The following PCDH9 variants were observed in gnomAD, a reference collection of about 807,000 sequenced individuals.
The protein encoded by PCDH9 is protocadherin-9.
A neutral mutation model predicts 70.6 loss-of-function variants in PCDH9; 24 were observed. That is an observed-to-expected ratio of 0.34 (90% confidence interval 0.25 to 0.48). PCDH9 has a LOEUF of 0.48. PCDH9 is among the 20% of genes least tolerant of loss of function. The pLI is 0.99. For missense variants in PCDH9, 1,281 were observed against 1,503.6 expected (o/e 0.85, Z 2.45); for synonymous variants, 562 against 558.5 (o/e 1.01, Z -0.09).
chr13:67,101,037 G>A (rs1332188520), intron 2 of PCDH9, among the ~76,000 whole-genome samples: 1 of 152,144 alleles, frequency 6.6e-6, no homozygotes, highest in Non-Finnish European at 1.5e-5. Context: ...AGAAGCACTG[G>A]CTTCAGCAGC....
chr13:66,601,731 G>A lies in PCDH9; in HGVS notation c.3340+29479C>T, dbSNP rs909035001. Among the ~76,000 whole-genome samples the A allele has an allele frequency of 6.9e-5, 10 of 145,902 alleles. 2 individuals carry two copies. The highest frequency in any genetic ancestry group is 1.5e-4 in the Non-Finnish European group (10 of 64,862). ...GACACTTCATTCAGTGATGGCCTGT[G>A]TATAGGATGTGATCTAAAAAGATTA... On this transcript the variant is annotated intron_variant, in intron 4 of 4. Transcript: ENST00000377865.
intron 4 of PCDH9, among the ~76,000 whole-genome samples, chr13:66,518,154 C>A (rs1959828066): frequency 6.6e-6 from 1 of 152,030 alleles, no homozygotes; most frequent in Non-Finnish European, 1.5e-5. Context: ...CAAGAACTTA[C>A]ATGTCATATG....
chr13:66,361,007 T>C (rs1403856677), intron 4 of PCDH9, among the ~76,000 whole-genome samples: 1 of 152,112 alleles, frequency 6.6e-6, no homozygotes, highest in African/African-American at 2.4e-5. Flanking sequence ...GGGTGACTAC[T>C]GTGTTTCCTC....
At chr13:66,859,406 C>A (rs2081445480) in intron 3 of PCDH9, among the ~76,000 whole-genome samples, 1 of 152,176 alleles carries the variant, frequency 6.6e-6, no homozygotes, top group Admixed American at 6.5e-5. Context: ...TTAACTAACA[C>A]TTCAGCTTAC....
chr13:67,138,181 T>C (rs1482950416), intron 2 of PCDH9, among the ~76,000 whole-genome samples: 1 of 152,146 alleles, frequency 6.6e-6, no homozygotes, highest in Non-Finnish European at 1.5e-5. Flanking sequence ...GTACTCTGTC[T>C]CATTGATCCT....
intron 4 of PCDH9, among the ~76,000 whole-genome samples, chr13:66,504,517 A>G (rs1468869425): frequency 6.6e-6 from 1 of 152,116 alleles, no homozygotes; most frequent in Non-Finnish European, 1.5e-5. Flanking sequence ...TGCCCAGTCA[A>G]CCCACAGAAT....
intron 4 of PCDH9, among the ~76,000 whole-genome samples, chr13:66,404,452 T>G (rs535064209): frequency 6.6e-6 from 1 of 152,198 alleles, no homozygotes; most frequent in Non-Finnish European, 1.5e-5. Flanking sequence ...ATCATACAAT[T>G]AAATGTAAAG....
At chr13:66,490,912 G>GCTTTGCCCAGCATA (rs1959023084) in intron 4 of PCDH9, among the ~76,000 whole-genome samples, 1 of 152,092 alleles carries the variant, frequency 6.6e-6, no homozygotes, top group African/African-American at 2.4e-5. Flanking sequence ...CAGCATATCT[G>GCTTTGCCCAGCATA]TCCCTGCTTC....
At chr13:66,678,837 G>T (rs1238544923) in intron 3 of PCDH9, among the ~76,000 whole-genome samples, 1 of 151,702 alleles carries the variant, frequency 6.6e-6, no homozygotes, top group Non-Finnish European at 1.5e-5. Context: ...TTCACACTTA[G>T]TACACTCTTA....
intron 3 of PCDH9, among the ~76,000 whole-genome samples, chr13:66,667,974 A>G (rs1478032440): frequency 6.6e-6 from 1 of 152,222 alleles, no homozygotes; most frequent in Non-Finnish European, 1.5e-5. Flanking sequence ...GTAAATAAAA[A>G]GAATTATGTA....
chr13:66,651,604 T>C (rs982846038), intron 3 of PCDH9, among the ~76,000 whole-genome samples: 2 of 151,992 alleles, frequency 1.3e-5, no homozygotes, highest in Non-Finnish European at 2.9e-5. Context: ...CTAATACCAA[T>C]CTGACTAAAA....
At chr13:66,468,890 T>C (rs1566349405) in intron 4 of PCDH9, among the ~76,000 whole-genome samples, 1 of 152,026 alleles carries the variant, frequency 6.6e-6, no homozygotes, top group Non-Finnish European at 1.5e-5. Context: ...TCCACAAAGA[T>C]ATAGTCAGGC....
At chr13:67,067,741 T>C (rs1555303587) in intron 2 of PCDH9, among the ~76,000 whole-genome samples, 3 of 138,414 alleles carry the variant, frequency 2.2e-5, no homozygotes, top group Non-Finnish European at 4.6e-5. Flanking sequence ...GTAAAGAATT[T>C]GGGGGGTTCA....
chr13:66,675,947 T>C (rs930264732), intron 3 of PCDH9, among the ~76,000 whole-genome samples: 8 of 152,162 alleles, frequency 5.3e-5, no homozygotes, highest in African/African-American at 1.7e-4. Context: ...TTCTGGTCTA[T>C]ATTCGTGCAT....
chr13:67,187,434 G>A (rs1178030816), intron 2 of PCDH9, among the ~76,000 whole-genome samples: 1 of 152,096 alleles, frequency 6.6e-6, no homozygotes, highest in Non-Finnish European at 1.5e-5. Context: ...TAGCTAGTGG[G>A]TTTCCTTAGA....
chr13:66,805,717 T>A (rs192208536), intron 3 of PCDH9, among the ~76,000 whole-genome samples: 7 of 152,332 alleles, frequency 4.6e-5, no homozygotes, highest in African/African-American at 1.4e-4. Flanking sequence ...AATTCCGTCC[T>A]ATGTCCTCAT....
At chr13:66,740,067 CA>C (rs2079232776) in intron 3 of PCDH9, among the ~76,000 whole-genome samples, 1 of 149,916 alleles carries the variant, frequency 6.7e-6, no homozygotes. Context: ...ACACCTATTC[CA>C]AAATTGACCA....
intron 3 of PCDH9, among the ~76,000 whole-genome samples, chr13:66,756,207 A>T (rs1241670469): frequency 1.3e-5 from 2 of 152,224 alleles, no homozygotes; most frequent in Non-Finnish European, 2.9e-5. Context: ...ATTCAGAATT[A>T]CATTTTTAAA....
chr13:66,621,917 C>T (rs973179630), intron 4 of PCDH9, among the ~76,000 whole-genome samples: 2 of 152,250 alleles, frequency 1.3e-5, no homozygotes, highest in Non-Finnish European at 2.9e-5. Context: ...AGGCTGGAGC[C>T]GGCTCCCTCA....
Sources: allele counts gnomAD v4.1 joint callset (sites outside exome capture counted in the v4.1 genomes callset), GRCh38; gene constraint gnomAD v4.1.1; transcripts MANE v1.5; gene names NCBI Gene and HGNC (gene_info 2026-07-23, HGNC 2026-07-21).